Variants in FNDC3B observed in about 807,000 individuals in gnomAD.
FNDC3B encodes the protein fibronectin type III domain-containing protein 3B.
In FNDC3B, 12 loss-of-function variants were observed where a neutral mutation model predicts 151.5. The ratio of observed to expected loss-of-function variants is 0.08; its 90% CI spans 0.05 to 0.13. The LOEUF (loss-of-function observed/expected upper bound fraction) is 0.13, where lower values mean the gene tolerates loss of function less well. Among genes scored for constraint, FNDC3B ranks in the 10% least tolerant of loss-of-function variants. The pLI, the probability that FNDC3B is intolerant of heterozygous loss-of-function variation, is 1.00. For synonymous variants in FNDC3B, 528 were observed against 549.0 expected, an observed-to-expected ratio of 0.96 and a Z score of 0.54; for missense variants, 1,214 against 1,505.3, an observed-to-expected ratio of 0.81 and a Z score of 3.20.
chr3:172,088,698 A>G (rs1718669009), intron 1 of FNDC3B, among the ~76,000 whole-genome samples: 1 of 152,224 alleles, frequency 6.6e-6, no homozygotes, highest in East Asian at 1.9e-4. Context: ...AGTAGGTGCC[A>G]GTGTTACACT....
At chr3:172,206,800 A>C (rs1252640234) in intron 3 of FNDC3B, among the ~76,000 whole-genome samples, 3 of 152,148 alleles carry the variant, frequency 2.0e-5, no homozygotes, top group Non-Finnish European at 4.4e-5. Flanking sequence ...CTGAACTTAA[A>C]ATTTTTGCAC....
Position 172,362,579 on chromosome 3 carries a change from G to T in FNDC3B, c.2796-54G>T, listed in dbSNP as rs539824245. 2.7e-5 allele frequency: 34 copies of T among 1,280,190 alleles called. No homozygotes were observed. In the South Asian group the frequency reaches 4.0e-4, roughly 15 times the overall value. 79.3% of individuals were successfully genotyped at this position (1,280,190 alleles called of 1,614,324 possible). On this transcript the variant is annotated intron_variant, in intron 22 of 25. Coordinates refer to ENST00000415807, the MANE Select transcript of FNDC3B (RefSeq NM_022763.4). ...ATGCTCAATGTTTATTTCGAATGAAGAATTGCTGCTGCTTTAACCTGCATT... is the reference window on the plus strand; with the variant it reads ...ATGCTCAATGTTTATTTCGAATGAATAATTGCTGCTGCTTTAACCTGCATT...
At chr3:172,177,808 G>A (rs543969670) in intron 3 of FNDC3B, among the ~76,000 whole-genome samples, 1 of 151,884 alleles carries the variant, frequency 6.6e-6, no homozygotes, top group Non-Finnish European at 1.5e-5. Flanking sequence ...TAGGTATTAA[G>A]CCCTGCATGC....
intron 23 of FNDC3B, among the ~76,000 whole-genome samples, chr3:172,374,468 C>T (rs1159626224): frequency 6.6e-6 from 1 of 152,188 alleles, no homozygotes; most frequent in Non-Finnish European, 1.5e-5. Flanking sequence ...AGTCTTGGCT[C>T]ACTGCAACCT....
chr3:172,331,485 G>A (rs761629226), intron 13 of FNDC3B, among the ~76,000 whole-genome samples: 1 of 152,160 alleles, frequency 6.6e-6, no homozygotes, highest in Non-Finnish European at 1.5e-5. Context: ...AGTTTCCCAA[G>A]TAGCTGGGAC....
At chr3:172,297,177 T>G (rs1730657234) in intron 8 of FNDC3B, among the ~76,000 whole-genome samples, 1 of 152,176 alleles carries the variant, frequency 6.6e-6, no homozygotes, top group Non-Finnish European at 1.5e-5. Context: ...ATCTGAATTA[T>G]TATACAAACT....
chr3:172,298,507 A>G lies in FNDC3B; in HGVS notation c.1002-221A>G, dbSNP rs542152559. Among the ~76,000 whole-genome samples, 151 of 152,366 alleles carry G rather than the reference A, an allele frequency of 9.9e-4. 1 individual carries two copies. In the South Asian group the frequency reaches 0.011, roughly 11 times the overall value. On this transcript the variant is annotated intron_variant, in intron 8 of 25. Coordinates refer to ENST00000415807, the MANE Select transcript of FNDC3B (RefSeq NM_022763.4). ...TTAGAATTTTATTAGTAAGTTAACC[A>G]TGCCATTTTCGAGATCTAAGATGGC...
intron 23 of FNDC3B, among the ~76,000 whole-genome samples, chr3:172,369,523 G>C (rs758749495): frequency 2.6e-4 from 40 of 151,462 alleles, no homozygotes; most frequent in Middle Eastern, 3.2e-3. Context: ...CCATCAATAG[G>C]TATAGTGAAA....
intron 1 of FNDC3B, among the ~76,000 whole-genome samples, chr3:172,089,212 T>A (rs1718691977): frequency 6.6e-6 from 1 of 152,222 alleles, no homozygotes; most frequent in African/African-American, 2.4e-5. Context: ...CAGCACAAAT[T>A]ATTATTACTT....
At chr3:172,101,741 T>G (rs1719388179) in intron 1 of FNDC3B, among the ~76,000 whole-genome samples, 2 of 152,214 alleles carry the variant, frequency 1.3e-5, no homozygotes, top group African/African-American at 4.8e-5. Flanking sequence ...CATGGCACAT[T>G]TCATTAAAAT....
intron 3 of FNDC3B, among the ~76,000 whole-genome samples, chr3:172,146,310 C>T (rs1430603638): frequency 2.0e-5 from 3 of 152,142 alleles, no homozygotes; most frequent in Non-Finnish European, 4.4e-5. Context: ...AGGAAAAGGA[C>T]ATGTCTAACA....
intron 2 of FNDC3B, among the ~76,000 whole-genome samples, chr3:172,119,930 TA>T (rs1163319712): frequency 6.6e-6 from 1 of 151,832 alleles, no homozygotes; most frequent in Admixed American, 6.6e-5. Flanking sequence ...CTTTTAACTA[TA>T]AAAAAAAGGT....
intron 7 of FNDC3B, among the ~76,000 whole-genome samples, chr3:172,291,734 G>A (rs1730352205): frequency 6.6e-6 from 1 of 152,178 alleles, no homozygotes; most frequent in South Asian, 2.1e-4. Flanking sequence ...CAGGAAGTCA[G>A]TTTTATGGCT....
intron 3 of FNDC3B, among the ~76,000 whole-genome samples, chr3:172,200,992 G>A (rs560403185): frequency 2.2e-4 from 33 of 152,274 alleles, no homozygotes; most frequent in African/African-American, 6.3e-4. Context: ...TATCTCTGCC[G>A]TACACATATG....
intron 25 of FNDC3B, among the ~76,000 whole-genome samples, chr3:172,391,339 A>G (rs1309495434): frequency 6.6e-6 from 1 of 152,180 alleles, no homozygotes; most frequent in African/African-American, 2.4e-5. Context: ...TGTTACTATT[A>G]GGTCCTGGAT....
At chr3:172,186,765 C>G in intron 3 of FNDC3B, 1 of 702,062 alleles carries the variant, frequency 1.4e-6, no homozygotes, top group Non-Finnish European at 2.6e-6. Context: ...CAGCTTTTTC[C>G]CCCTTACCTT....
chr3:172,329,781 A>G (rs1401108599), intron 12 of FNDC3B: 1 of 152,222 alleles, frequency 6.6e-6, no homozygotes, highest in Non-Finnish European at 1.5e-5. Flanking sequence ...ACAAAGTTTT[A>G]CAGACCTGCC....
At chr3:172,108,479 CAGGT>C (rs763382302) in intron 1 of FNDC3B, among the ~76,000 whole-genome samples, 2 of 152,236 alleles carry the variant, frequency 1.3e-5, no homozygotes, top group Non-Finnish European at 2.9e-5. Context: ...CGGCTTTCAT[CAGGT>C]AGGTATTCCT....
chr3:172,388,688 G>T (rs1218832199), intron 25 of FNDC3B, among the ~76,000 whole-genome samples: 1 of 152,196 alleles, frequency 6.6e-6, no homozygotes, highest in East Asian at 1.9e-4. Context: ...ACTGTGGGTT[G>T]TAAGTGTCCG....
Sources: allele counts gnomAD v4.1 joint callset (sites outside exome capture counted in the v4.1 genomes callset), GRCh38; gene constraint gnomAD v4.1.1; transcripts MANE v1.5; gene names NCBI Gene and HGNC (gene_info 2026-07-23, HGNC 2026-07-21).